The following DOCK8 variants were observed in gnomAD, a reference collection of about 807,000 sequenced individuals.
DOCK8 encodes the protein dedicator of cytokinesis protein 8.
DOCK8 carries 141 observed loss-of-function variants against 245.6 expected under a neutral mutation model. The ratio of observed to expected loss-of-function variants is 0.57; its 90% CI spans 0.50 to 0.66. The LOEUF (loss-of-function observed/expected upper bound fraction) is 0.66. Among genes scored for constraint, DOCK8 ranks in the 30% least tolerant of loss-of-function variants. DOCK8 has a pLI of 0.00. For missense variants in DOCK8, 2,965 were observed against 2,603.4 expected, an observed-to-expected ratio of 1.14 and a Z score of -3.02; for synonymous variants, 1,168 against 970.2, an observed-to-expected ratio of 1.20 and a Z score of -3.79.
rs1413948371 is a variant in DOCK8, at chr9:370,282, C to T, written c.1850C>T (p.Ala617Val). The T allele has an allele frequency of 1.9e-6, 3 of 1,613,924 alleles. No homozygotes were observed. The highest frequency in any genetic ancestry group is 3.3e-5 in the Admixed American group (2 of 60,010). The stretch of plus-strand genomic sequence containing the variant: ...GAATTTCTGCAGGAAGTGTACACAG[C>T]TGTTACATACCATAATAAGTAAGTC... ...GPEFLQEVYT[A>V]VTYHNKSPDF... The change falls in exon 16 of 48, where the codon GCT becomes GTT. Residue 617 changes from alanine to valine, a missense_variant. Ala to Val is a moderately conservative substitution (Grantham distance 64, BLOSUM62 0). This residue lies in a region of DOCK8 where 2,825 missense variants were observed against 2,453.5 expected (regional missense o/e 1.15). Coordinates refer to ENST00000432829, the MANE Select transcript of DOCK8 (RefSeq NM_203447.4).
chr9:257,086 T>C (rs887747307), intron 1 of DOCK8, among the ~76,000 whole-genome samples: 5 of 152,228 alleles, frequency 3.3e-5, no homozygotes, highest in Admixed American at 1.3e-4. Flanking sequence ...TTCATAACTT[T>C]GGAACAGTGC....
chr9:310,750 A>T (rs148711334), intron 5 of DOCK8, among the ~76,000 whole-genome samples: 1 of 152,160 alleles, frequency 6.6e-6, no homozygotes, highest in African/African-American at 2.4e-5. Context: ...CATGAGCCCA[A>T]TATTTTAAAA....
At chr9:316,996 C>T (rs2050374460) in intron 6 of DOCK8, 47 bp from the exon 7 acceptor site, 4 of 1,447,192 alleles carry the variant, frequency 2.8e-6, no homozygotes, top group Non-Finnish European at 3.9e-6. Flanking sequence ...AATTGGAGCT[C>T]CCCACAGAAT....
chr9:332,414 A>T lies in DOCK8; in HGVS notation c.1061A>T (p.Gln354Leu). ...YLVVKIEKVL[Q>L]QGEIGDCAEP... is the part of the protein sequence containing the mutation. ...TATTGGTAGATTGAAAAAGTCCTGC[A>T]GCAGGGAGAGATTGGAGACTGTGCA... Residue 354 changes from glutamine to leucine, a missense_variant, in exon 10 of 48, where the codon CAG becomes CTG. By Grantham distance (113) the Gln-to-Leu change is moderately radical. Coordinates refer to ENST00000432829, the MANE Select transcript of DOCK8 (RefSeq NM_203447.4). The T allele has an allele frequency of 6.2e-7, 1 of 1,612,564 alleles. No homozygotes were observed. Among genetic ancestry groups the T allele is most frequent in the Non-Finnish European group, 8.5e-7 (1 of 1,178,638 alleles).
At chr9:232,623 G>T (rs888575005) in intron 1 of DOCK8, among the ~76,000 whole-genome samples, 53 of 152,120 alleles carry the variant, frequency 3.5e-4, no homozygotes, top group Non-Finnish European at 1.5e-4. Context: ...GTTTAGTCTT[G>T]GGAGGGTGTA....
At chr9:369,648 G>C (rs1248500062) in intron 15 of DOCK8, 1 of 155,882 alleles carries the variant, frequency 6.4e-6, no homozygotes, top group Non-Finnish European at 1.4e-5. Flanking sequence ...CTGTTGGATA[G>C]ACCTCTAGGC....
At chr9:346,408 C>G (rs543751035) in intron 14 of DOCK8, among the ~76,000 whole-genome samples, 57 of 152,252 alleles carry the variant, frequency 3.7e-4, no homozygotes, top group Non-Finnish European at 1.5e-5. Flanking sequence ...ATCCTGCGGC[C>G]GCCAGAGGGG....
chr9:368,230 G>C (rs759876037), intron 15 of DOCK8, 95 bp downstream of exon 15: 5 of 1,058,606 alleles, frequency 4.7e-6, no homozygotes, highest in Non-Finnish European at 7.4e-6. Context: ...TACAAAGTCC[G>C]TCTATTCCAG....
chr9:369,923 C>T, intron 15 of DOCK8: 1 of 378,454 alleles, frequency 2.6e-6, no homozygotes, highest in Non-Finnish European at 5.0e-6. Context: ...TGCCTCCGCC[C>T]CCTGAGTAGC....
chr9:340,096 T>C, intron 13 of DOCK8, 63 bp from the exon 14 acceptor site: 1 of 1,575,048 alleles, frequency 6.3e-7, no homozygotes, highest in Non-Finnish European at 8.7e-7. Context: ...TGCAACAATC[T>C]TTCTTGATTC....
intron 33 of DOCK8, 135 bp from the exon 34 acceptor site, chr9:426,750 A>G: frequency 2.7e-6 from 2 of 732,884 alleles, no homozygotes; most frequent in Non-Finnish European, 4.8e-6. Flanking sequence ...GTAGTTACTC[A>G]GGGCCAGTTG....
chr9:332,297 GTCA>G (rs1242594370), intron 9 of DOCK8, 98 bp from the exon 10 acceptor site: 1 of 799,260 alleles, frequency 1.3e-6, no homozygotes, highest in Non-Finnish European at 2.1e-6. Context: ...AGCTTCCTAT[GTCA>G]TCAAATATTG....
intron 14 of DOCK8, among the ~76,000 whole-genome samples, chr9:358,047 T>C (rs2052529847): frequency 6.6e-6 from 1 of 152,230 alleles, no homozygotes; most frequent in African/African-American, 2.4e-5. Context: ...TGGGTTTTTT[T>C]CACATTTATG....
At chr9:464,120 C>T (rs1213919564) in intron 47 of DOCK8, 39 bp from the exon 48 acceptor site, 4 of 1,545,844 alleles carry the variant, frequency 2.6e-6, no homozygotes, top group Non-Finnish European at 3.6e-6. Flanking sequence ...CTTCTGTACG[C>T]TCTCTTTCCC....
intron 1 of DOCK8, among the ~76,000 whole-genome samples, chr9:236,092 G>A (rs910697490): frequency 6.6e-6 from 1 of 152,120 alleles, no homozygotes; most frequent in African/African-American, 2.4e-5. Context: ...CCAGTGGTTG[G>A]CCCTGCAGGC....
chr9:250,609 A>C (rs680567), intron 1 of DOCK8, among the ~76,000 whole-genome samples: 1 of 152,010 alleles, frequency 6.6e-6, no homozygotes, highest in Non-Finnish European at 1.5e-5. Context: ...CTCAATTCCA[A>C]ATTTATCATA....
chr9:215,574 C>G, intron 1 of DOCK8: 1 of 868,008 alleles, frequency 1.2e-6, no homozygotes, highest in Non-Finnish European at 1.6e-6. Flanking sequence ...TATTTTTATA[C>G]CCTGGTCCAA....
intron 2 of DOCK8, among the ~76,000 whole-genome samples, chr9:275,424 G>C (rs12343328): frequency 6.6e-6 from 1 of 152,100 alleles, no homozygotes; most frequent in Non-Finnish European, 1.5e-5. Flanking sequence ...AAGACTTAGA[G>C]TAAGGGTTCT....
chr9:219,438 C>G (rs1028007002), intron 1 of DOCK8, among the ~76,000 whole-genome samples: 5 of 152,028 alleles, frequency 3.3e-5, no homozygotes, highest in Admixed American at 1.3e-4. Flanking sequence ...CCACTGCATT[C>G]CAGCCTGGGC....
Sources: allele counts gnomAD v4.1 joint callset (sites outside exome capture counted in the v4.1 genomes callset), GRCh38; gene constraint gnomAD v4.1.1; regional missense constraint gnomAD v4.1.1; transcripts MANE v1.5; gene names NCBI Gene and HGNC (gene_info 2026-07-23, HGNC 2026-07-21).